NEK1: variants seen among roughly 807,000 people sequenced by gnomAD.
NEK1 encodes the protein NIMA related kinase 1, also known as serine/threonine-protein kinase Nek1.
A neutral mutation model predicts 182.1 loss-of-function variants in NEK1; 137 were observed. The observed-to-expected ratio is 0.75, with a 90% confidence interval of 0.65 to 0.87. The LOEUF is 0.87. Among genes scored for constraint, NEK1 ranks in the 40% least tolerant of loss-of-function variants. The probability of loss-of-function intolerance (pLI) is 0.00; values close to 1 mark genes in which losing one functional copy is unlikely to be tolerated. For missense variants in NEK1, 1,391 were observed against 1,494.4 expected (o/e 0.93, Z 1.14); for synonymous variants, 513 against 492.2 (o/e 1.04, Z -0.56).
Position 169,555,968 on chromosome 4 carries a change from C to T in NEK1, c.1394G>A (p.Trp465Ter). ...QQRAEDNEAKWKREIYGRGLP... is the reference protein window; with the variant it reads ...QQRAEDNEAK ...ACCTCGACCATATATTTCTCTTTTC[C>T]ATTTAGCTTCATTATCTTCTGCTCT... The change falls in exon 17 of 36, where the codon TGG (tryptophan) becomes TAG (stop). Residue 465 changes from tryptophan to a stop codon, truncating the protein, a stop_gained. Transcript: ENST00000507142. LOFTEE classifies it high-confidence loss of function. 1 of 1,613,598 alleles carries T rather than the reference C, an allele frequency of 6.2e-7. No individual in the cohort carries two copies. Among genetic ancestry groups the T allele is most frequent in the Non-Finnish European group, 8.5e-7 (1 of 1,179,758 alleles).
intron 27 of NEK1, among the ~76,000 whole-genome samples, chr4:169,448,871 C>T (rs1269964231): frequency 2.6e-5 from 4 of 152,228 alleles, no homozygotes; most frequent in African/African-American, 4.8e-5. Context: ...ACCTGGGAAG[C>T]GCAATGAGTC....
At chr4:169,441,268 G>A (rs889226133) in intron 27 of NEK1, among the ~76,000 whole-genome samples, 1 of 152,202 alleles carries the variant, frequency 6.6e-6, no homozygotes, top group Non-Finnish European at 1.5e-5. Flanking sequence ...GCACCTTCAG[G>A]AGCAAGGAGA....
chr4:169,445,151 A>C (rs1740262067), intron 27 of NEK1, among the ~76,000 whole-genome samples: 1 of 151,694 alleles, frequency 6.6e-6, no homozygotes, highest in Non-Finnish European at 1.5e-5. Context: ...AAGGGCCAGA[A>C]GCTCATGGCT....
At chr4:169,447,779 G>A (rs1208561137) in intron 27 of NEK1, among the ~76,000 whole-genome samples, 1 of 152,178 alleles carries the variant, frequency 6.6e-6, no homozygotes, top group African/African-American at 2.4e-5. Context: ...TGAGGCAGGA[G>A]AATCACTTGA....
intron 23 of NEK1, among the ~76,000 whole-genome samples, chr4:169,479,980 A>C (rs1227607270): frequency 6.6e-6 from 1 of 152,234 alleles, no homozygotes; most frequent in African/African-American, 2.4e-5. Flanking sequence ...GAATGGAAGG[A>C]GAAACAGATC....
At chr4:169,574,370 C>T (rs1366512428) in intron 12 of NEK1, among the ~76,000 whole-genome samples, 2 of 151,934 alleles carry the variant, frequency 1.3e-5, no homozygotes, top group East Asian at 1.9e-4. Flanking sequence ...CCAAGGCGGG[C>T]GGATCATGGG....
chr4:169,590,879 G>T, intron 5 of NEK1, 70 bp from the exon 6 acceptor site: 1 of 993,946 alleles, frequency 1.0e-6, no homozygotes, highest in South Asian at 1.5e-5. Context: ...ATTTAGGGAT[G>T]AGAGGAACTA....
chr4:169,439,351 T>C (rs564719901), intron 27 of NEK1, among the ~76,000 whole-genome samples: 12 of 152,214 alleles, frequency 7.9e-5, no homozygotes, highest in Non-Finnish European at 1.5e-4. Flanking sequence ...TCAGTTAATT[T>C]CCAGAGCAAA....
intron 16 of NEK1, among the ~76,000 whole-genome samples, chr4:169,556,717 C>T (rs1038788310): frequency 4.7e-5 from 7 of 147,938 alleles, no homozygotes; most frequent in African/African-American, 1.8e-4. Flanking sequence ...GTAGTAAGTG[C>T]TGAGCAAATC....
In NEK1 at chr4:169,393,425, C is replaced by T. The variant is rs1423706557; in HGVS notation, c.*1085G>A. 1.3e-5 allele frequency: 2 copies of T among 152,128 alleles called. No individual in the cohort carries two copies. The highest frequency in any genetic ancestry group is 2.4e-5 in the African/African-American group (1 of 41,432). 9.4% of individuals were successfully genotyped at this position (152,128 alleles called of 1,614,324 possible). On this transcript the variant is annotated 3_prime_UTR_variant, in exon 36 of 36. Coordinates refer to ENST00000507142, the MANE Select transcript of NEK1 (RefSeq NM_001199397.3). ...AGATAAGATTTTATTTTTCAAATTACATATTATGCCAACCAGCCTGCTTTG... is the reference window on the plus strand; with the variant it reads ...AGATAAGATTTTATTTTTCAAATTATATATTATGCCAACCAGCCTGCTTTG...
chr4:169,454,555 G>A (rs1742468274), intron 27 of NEK1, among the ~76,000 whole-genome samples: 1 of 152,224 alleles, frequency 6.6e-6, no homozygotes, highest in Non-Finnish European at 1.5e-5. Context: ...AGACATTTAT[G>A]TGGCCAACAA....
intron 12 of NEK1, among the ~76,000 whole-genome samples, chr4:169,562,502 T>A (rs1386302138): frequency 1.3e-5 from 2 of 152,028 alleles, no homozygotes; most frequent in Non-Finnish European, 2.9e-5. Flanking sequence ...AAAAGCCCAA[T>A]GATGGAGATA....
chr4:169,592,770 C>A (rs988187622), intron 5 of NEK1, among the ~76,000 whole-genome samples: 11 of 150,918 alleles, frequency 7.3e-5, no homozygotes, highest in African/African-American at 2.4e-4. Context: ...TTGTTAAGTT[C>A]CTTTCTATAC....
Position 169,508,322 on chromosome 4 carries a change from C to A in NEK1, c.1759G>T (p.Ala587Ser). ...PRNKEEEVYL[A>S]RLRQIRLQNF... ...TGTAGTCTTATTTGCCTCAGTCTTG[C>A]CAGATAAACCTACAAGGAGGCAAAA... Residue 587 changes from alanine (A) to serine (S), a missense_variant, in exon 21 of 36, where the codon GCA (alanine) becomes TCA (serine). Physicochemically the swap from Ala to Ser is moderately conservative, Grantham distance 99 (BLOSUM62 1). Transcript: ENST00000507142. 6.4e-7 allele frequency: 1 copy of A among 1,572,470 alleles called. No individual in the cohort carries two copies. The highest frequency in any genetic ancestry group is 8.6e-7 in the Non-Finnish European group (1 of 1,159,222).
chr4:169,578,477 T>G (rs1766069124), intron 11 of NEK1, among the ~76,000 whole-genome samples: 1 of 152,180 alleles, frequency 6.6e-6, no homozygotes, highest in East Asian at 1.9e-4. Context: ...AGAAAAAAAT[T>G]TAACTGGTAG....
intron 35 of NEK1, among the ~76,000 whole-genome samples, chr4:169,398,412 G>C (rs1016575493): frequency 2.0e-5 from 3 of 151,940 alleles, no homozygotes; most frequent in African/African-American, 7.3e-5. Context: ...AACACTGTAT[G>C]ATAGTGCCCT....
Position 169,477,277 on chromosome 4 carries a change from A to G in NEK1, c.2281T>C (p.Ser761Pro), listed in dbSNP as rs766006126. Residue 761 changes from serine (S) to proline (P), a missense_variant, in exon 26 of 36, where the codon TCT (serine) becomes CCT (proline). Transcript: ENST00000507142. ...QEDEKGKQNL[S>P]DTFEINVHED... ...TGAACATTTATCTCAAAAGTATCAG[A>G]GAGATTCTGCTTTCCTTTTTCATCT... 1 of 1,595,850 alleles carries G rather than the reference A, an allele frequency of 6.3e-7. No homozygotes were observed.
intron 7 of NEK1, 53 bp downstream of exon 7, chr4:169,589,394 T>C (rs1333808197): frequency 2.0e-6 from 2 of 993,504 alleles, no homozygotes; most frequent in African/African-American, 3.3e-5. Flanking sequence ...TCATCATGGA[T>C]TGAAGGTTCG....
intron 19 of NEK1, among the ~76,000 whole-genome samples, chr4:169,510,182 CCTT>C (rs779922601): frequency 6.6e-6 from 1 of 152,232 alleles, no homozygotes; most frequent in East Asian, 1.9e-4. Flanking sequence ...TGCTGGCCCT[CCTT>C]CTCTTCTCAT....
Sources: gnomAD v4.1 joint callset for allele counts (sites outside exome capture counted in the v4.1 genomes callset) on GRCh38, gnomAD v4.1.1 for gene constraint, MANE v1.5 for transcripts, NCBI Gene and HGNC (gene_info 2026-07-23, HGNC 2026-07-21) for gene names.